The following CNTN6 variants were observed in gnomAD, a reference collection of about 807,000 sequenced individuals.
CNTN6 encodes the protein contactin 6.
In CNTN6, 137 loss-of-function variants were observed where a neutral mutation model predicts 122.8. The observed-to-expected ratio is 1.12, with a 90% CI of 0.97 to 1.29. The LOEUF is 1.29. Ranked by LOEUF, CNTN6 falls within the 50% of genes most tolerant of loss-of-function variation. CNTN6 has a pLI of 0.00. For missense variants in CNTN6, 1,634 were observed against 1,223.4 expected (o/e 1.34, Z -5.01); for synonymous variants, 570 against 426.0 (o/e 1.34, Z -4.16).
chr3:1,317,550 C>A (rs1700262794), intron 7 of CNTN6, among the ~76,000 whole-genome samples: 1 of 151,792 alleles, frequency 6.6e-6, no homozygotes, highest in African/African-American at 2.4e-5. Flanking sequence ...AAGTTTCTTT[C>A]CTCTGTGTTA....
intron 12 of CNTN6, among the ~76,000 whole-genome samples, chr3:1,352,957 A>G (rs942070840): frequency 6.6e-6 from 1 of 151,790 alleles, no homozygotes; most frequent in Non-Finnish European, 1.5e-5. Context: ...AATCTGTGTG[A>G]ATCATTATTA....
chr3:1,231,180 A>G (rs1575334252), intron 4 of CNTN6, among the ~76,000 whole-genome samples: 1 of 152,148 alleles, frequency 6.6e-6, no homozygotes, highest in Admixed American at 6.5e-5. Flanking sequence ...GCTTCTAAGG[A>G]ATCCAAAGCG....
intron 1 of CNTN6, among the ~76,000 whole-genome samples, chr3:1,094,898 G>A (rs1407802163): frequency 4.0e-5 from 6 of 151,758 alleles, no homozygotes. Context: ...ATATTAATTG[G>A]AATGCAGAAG....
At chr3:1,329,737 C>T in intron 10 of CNTN6, 48 bp from the exon 11 acceptor site, 2 of 1,537,032 alleles carry the variant, frequency 1.3e-6, no homozygotes, top group Non-Finnish European at 8.9e-7. Context: ...GGAGTCACTA[C>T]ATGTTAACTG....
At chr3:1,258,111 T>C (rs1011738308) in intron 4 of CNTN6, among the ~76,000 whole-genome samples, 3 of 152,172 alleles carry the variant, frequency 2.0e-5, no homozygotes, top group African/African-American at 4.8e-5. Context: ...GATTGAGATA[T>C]TGTTAACAAC....
At chr3:1,142,043 A>G (rs1385732078) in intron 1 of CNTN6, among the ~76,000 whole-genome samples, 1 of 152,156 alleles carries the variant, frequency 6.6e-6, no homozygotes. Context: ...CCTGCCGGAC[A>G]AACCAAGGTT....
chr3:1,298,704 A>G (rs17037354), intron 7 of CNTN6, among the ~76,000 whole-genome samples: 10,904 of 152,232 alleles, frequency 0.072, 626 homozygotes, highest in African/African-American at 0.16. Flanking sequence ...TCAAATGTTA[A>G]TATGCATGTG....
chr3:1,298,764 G>A (rs369947017), intron 7 of CNTN6, among the ~76,000 whole-genome samples: 1 of 152,036 alleles, frequency 6.6e-6, no homozygotes, highest in African/African-American at 2.4e-5. Context: ...AGAGGTCTAG[G>A]GTGATGTTTG....
chr3:1,290,868 G>A (rs1167264251), intron 5 of CNTN6, among the ~76,000 whole-genome samples: 2 of 152,128 alleles, frequency 1.3e-5, no homozygotes, highest in Admixed American at 1.3e-4. Flanking sequence ...GTGTTGGTGG[G>A]TTTTAGCTGG....
chr3:1,161,730 A>G (rs901641878), intron 2 of CNTN6, among the ~76,000 whole-genome samples: 11 of 151,044 alleles, frequency 7.3e-5, no homozygotes, highest in Non-Finnish European at 4.4e-5. Context: ...AAGTACCAAG[A>G]CCCCATGGTG....
At chr3:1,269,867 T>C (rs1266132521) in intron 4 of CNTN6, among the ~76,000 whole-genome samples, 2 of 152,208 alleles carry the variant, frequency 1.3e-5, no homozygotes, top group African/African-American at 4.8e-5. Flanking sequence ...TTTTTTTCTC[T>C]ACTTATATAT....
intron 5 of CNTN6, among the ~76,000 whole-genome samples, chr3:1,291,699 C>T (rs1305178050): frequency 6.6e-6 from 1 of 152,100 alleles, no homozygotes; most frequent in Non-Finnish European, 1.5e-5. Flanking sequence ...CTCTAGATGA[C>T]TCTGATTTCA....
chr3:1,243,855 G>C (rs1386627411), intron 4 of CNTN6, among the ~76,000 whole-genome samples: 1 of 152,052 alleles, frequency 6.6e-6, no homozygotes, highest in Non-Finnish European at 1.5e-5. Context: ...GGAAAGGTCA[G>C]ATGGGTCTGT....
chr3:1,123,546 C>A (rs961382975), intron 1 of CNTN6, among the ~76,000 whole-genome samples: 5 of 151,968 alleles, frequency 3.3e-5, no homozygotes, highest in South Asian at 2.1e-4. Context: ...TGATCTTCTA[C>A]CTACAACTTT....
chr3:1,137,567 T>G (rs2125124619), intron 1 of CNTN6, among the ~76,000 whole-genome samples: 1 of 152,246 alleles, frequency 6.6e-6, no homozygotes, highest in Non-Finnish European at 1.5e-5. Flanking sequence ...ATATTATTTA[T>G]AATATACTAG....
chr3:1,116,933 G>A (rs149429213), intron 1 of CNTN6, among the ~76,000 whole-genome samples: 162 of 152,198 alleles, frequency 1.1e-3, no homozygotes, highest in African/African-American at 3.7e-3. Flanking sequence ...TTGAACTCCT[G>A]ACCTCAAGTG....
At chr3:1,193,416 T>G (rs2093730388) in intron 2 of CNTN6, among the ~76,000 whole-genome samples, 1 of 152,182 alleles carries the variant, frequency 6.6e-6, no homozygotes, top group Non-Finnish European at 1.5e-5. Flanking sequence ...TTAACCTGTC[T>G]AGACTCACAT....
intron 12 of CNTN6, among the ~76,000 whole-genome samples, chr3:1,356,814 A>T (rs1301575045): frequency 1.3e-5 from 2 of 151,912 alleles, no homozygotes; most frequent in African/African-American, 4.8e-5. Flanking sequence ...TTTCAAGGTG[A>T]GAAAATATAT....
intron 2 of CNTN6, among the ~76,000 whole-genome samples, chr3:1,169,000 G>A (rs7646049): frequency 0.062 from 9,364 of 152,112 alleles, 931 homozygotes; most frequent in African/African-American, 0.21. Flanking sequence ...TCCTGGCAAG[G>A]GAAAGCCAAA....
Sources: gnomAD v4.1 joint callset for allele counts (sites outside exome capture counted in the v4.1 genomes callset) on GRCh38, gnomAD v4.1.1 for gene constraint, MANE v1.5 for transcripts, NCBI Gene and HGNC (gene_info 2026-07-23, HGNC 2026-07-21) for gene names.